The following PRKD1 variants were observed in gnomAD, a reference collection of about 807,000 sequenced individuals.
PRKD1 encodes protein kinase D1.
A neutral mutation model predicts 95.9 loss-of-function variants in PRKD1; 63 were observed. The ratio of observed to expected loss-of-function variants is 0.66; its 90% CI spans 0.54 to 0.81. The LOEUF (loss-of-function observed/expected upper bound fraction) is 0.81. Ranked by LOEUF, PRKD1 falls within the 30% of genes least tolerant of loss-of-function variation. PRKD1 has a pLI of 0.00. For missense variants in PRKD1, 1,048 were observed against 1,165.3 expected (o/e 0.90, Z 1.47); for synonymous variants, 425 against 423.1 (o/e 1.00, Z -0.05).
intron 1 of PRKD1, among the ~76,000 whole-genome samples, chr14:29,882,884 T>C (rs1482714049): frequency 6.6e-6 from 1 of 152,164 alleles, no homozygotes; most frequent in East Asian, 1.9e-4. Flanking sequence ...TGCACGTGTA[T>C]ACCACGTTTT....
intron 2 of PRKD1, among the ~76,000 whole-genome samples, chr14:29,724,859 A>C (rs981605620): frequency 6.6e-6 from 1 of 152,102 alleles, no homozygotes; most frequent in African/African-American, 2.4e-5. Context: ...CATTGTAAGG[A>C]TCTCCACTCT....
chr14:29,814,915 A>C (rs1890632108), intron 1 of PRKD1, among the ~76,000 whole-genome samples: 3 of 152,248 alleles, frequency 2.0e-5, no homozygotes, highest in Non-Finnish European at 2.9e-5. Flanking sequence ...ACACAGTGTA[A>C]AGGATGGTTT....
intron 2 of PRKD1, among the ~76,000 whole-genome samples, chr14:29,721,157 C>T (rs1287084621): frequency 6.6e-6 from 1 of 152,218 alleles, no homozygotes; most frequent in East Asian, 1.9e-4. Context: ...GCCCACGCCT[C>T]TTCTGCCTGG....
At chr14:29,590,787 T>G (rs1594343473) in intron 16 of PRKD1, among the ~76,000 whole-genome samples, 1 of 152,134 alleles carries the variant, frequency 6.6e-6, no homozygotes, top group African/African-American at 2.4e-5. Context: ...ATTCCTTTAT[T>G]TCATTTATTT....
intron 16 of PRKD1, among the ~76,000 whole-genome samples, chr14:29,589,866 C>A (rs1014264314): frequency 2.6e-5 from 4 of 151,994 alleles, no homozygotes; most frequent in Non-Finnish European, 5.9e-5. Flanking sequence ...ATTATTAGAC[C>A]TGCCTTCCGG....
chr14:29,690,602 T>C (rs923832858), intron 2 of PRKD1, among the ~76,000 whole-genome samples: 2 of 152,188 alleles, frequency 1.3e-5, no homozygotes, highest in African/African-American at 4.8e-5. Context: ...TCTTCTTCCT[T>C]TTCCAATATA....
intron 1 of PRKD1, among the ~76,000 whole-genome samples, chr14:29,889,086 T>C (rs1368353852): frequency 6.6e-6 from 1 of 152,170 alleles, no homozygotes; most frequent in African/African-American, 2.4e-5. Context: ...GGTCCTCTAG[T>C]CCTTGAGTCA....
chr14:29,642,384 GT>G, intron 4 of PRKD1, among the ~76,000 whole-genome samples: 1 of 152,188 alleles, frequency 6.6e-6, no homozygotes, highest in African/African-American at 2.4e-5. Context: ...ATTACAGTAT[GT>G]TTTTGTTTGA....
At chr14:29,777,621 CG>C (rs1566595199) in intron 1 of PRKD1, among the ~76,000 whole-genome samples, 1 of 152,160 alleles carries the variant, frequency 6.6e-6, no homozygotes, top group African/African-American at 2.4e-5. Flanking sequence ...GAACCCAATA[CG>C]GGAGCACCCA....
At chr14:29,688,065 G>C (rs888170074) in intron 2 of PRKD1, among the ~76,000 whole-genome samples, 3 of 152,130 alleles carry the variant, frequency 2.0e-5, no homozygotes, top group Non-Finnish European at 4.4e-5. Context: ...TCAGCAGTCT[G>C]CATTTCTTCT....
chr14:29,914,323 T>A (rs1359877481), intron 1 of PRKD1, among the ~76,000 whole-genome samples: 1 of 152,230 alleles, frequency 6.6e-6, no homozygotes, highest in Non-Finnish European at 1.5e-5. Flanking sequence ...CATGTACAAG[T>A]GGGAGTAAGT....
At chr14:29,659,407 T>C (rs1882069972) in intron 4 of PRKD1, among the ~76,000 whole-genome samples, 1 of 152,216 alleles carries the variant, frequency 6.6e-6, no homozygotes, top group South Asian at 2.1e-4. Context: ...TTAGCTATTA[T>C]GCATAAAGAT....
Position 29,631,100 on chromosome 14 carries a change from T to C in PRKD1, c.1393-79A>G, listed in dbSNP as rs577552262. On this transcript the variant is annotated intron_variant, in intron 9 of 17. Transcript: ENST00000331968. Reference sequence around the variant, plus strand: ...AAAGAAAATTCATGCCAAGAACATGTGAAAAATGACATCACAAATAGCCAC... The same window carrying C: ...AAAGAAAATTCATGCCAAGAACATGCGAAAAATGACATCACAAATAGCCAC... 1.4e-5 allele frequency: 19 copies of C among 1,353,054 alleles called. No individual in the cohort carries two copies. In the Admixed American group the frequency reaches 3.5e-4, roughly 25 times the overall value. The allele number at this position is 1,353,054 out of a possible 1,614,324, so 83.8% of individuals were successfully genotyped here.
At chr14:29,670,637 T>C (rs1882785780) in intron 2 of PRKD1, among the ~76,000 whole-genome samples, 1 of 152,136 alleles carries the variant, frequency 6.6e-6, no homozygotes, top group Non-Finnish European at 1.5e-5. Flanking sequence ...TTTCACACTA[T>C]TGTGGCCCAG....
At chr14:29,862,643 G>A (rs1400750014) in intron 1 of PRKD1, among the ~76,000 whole-genome samples, 1 of 152,096 alleles carries the variant, frequency 6.6e-6, no homozygotes, top group Non-Finnish European at 1.5e-5. Context: ...CTTTTCTTAT[G>A]TCTGTTTGCC....
intron 1 of PRKD1, among the ~76,000 whole-genome samples, chr14:29,919,546 T>A (rs928440094): frequency 6.6e-6 from 1 of 152,226 alleles, no homozygotes; most frequent in Non-Finnish European, 1.5e-5. Context: ...ACAAAAATAT[T>A]TGGTTGACAG....
At chr14:29,720,141 A>G (rs1193417134) in intron 2 of PRKD1, among the ~76,000 whole-genome samples, 1 of 152,200 alleles carries the variant, frequency 6.6e-6, no homozygotes. Flanking sequence ...TTAATAGTTT[A>G]CATTTATTGT....
chr14:29,908,219 A>T (rs1894562268), intron 1 of PRKD1, among the ~76,000 whole-genome samples: 2 of 152,214 alleles, frequency 1.3e-5, no homozygotes, highest in Non-Finnish European at 1.5e-5. Flanking sequence ...TGAAATAAAA[A>T]CAACAATTTA....
At chr14:29,689,345 A>G (rs576206211) in intron 2 of PRKD1, among the ~76,000 whole-genome samples, 202 of 152,302 alleles carry the variant, frequency 1.3e-3, no homozygotes, top group Non-Finnish European at 2.5e-3. Flanking sequence ...CAGCCAATAA[A>G]CATTTTTTAA....
Sources: gnomAD v4.1 joint callset for allele counts (sites outside exome capture counted in the v4.1 genomes callset) on GRCh38, gnomAD v4.1.1 for gene constraint, MANE v1.5 for transcripts, NCBI Gene and HGNC (gene_info 2026-07-23, HGNC 2026-07-21) for gene names.